KCNN2: variants seen among roughly 807,000 people sequenced by gnomAD.
KCNN2 encodes potassium calcium-activated channel subfamily N member 2, also known as small conductance calcium-activated potassium channel protein 2.
A neutral mutation model predicts 55.5 loss-of-function variants in KCNN2; 24 were observed. The observed-to-expected ratio is 0.43, with a 90% CI of 0.31 to 0.61. KCNN2 has a LOEUF of 0.61. Ranked by LOEUF, KCNN2 falls within the 20% of genes least tolerant of loss-of-function variation. The probability of loss-of-function intolerance (pLI) is 0.08; values close to 1 mark genes in which losing one functional copy is unlikely to be tolerated. For missense variants in KCNN2, 754 were observed against 853.6 expected (o/e 0.88, Z 1.45); for synonymous variants, 431 against 336.1 (o/e 1.28, Z -3.09).
intron 1 of KCNN2, among the ~76,000 whole-genome samples, chr5:114,159,832 G>T (rs1256820514): frequency 6.6e-6 from 1 of 152,162 alleles, no homozygotes; most frequent in Non-Finnish European, 1.5e-5. Context: ...TTGTATTTCT[G>T]TGAGATCGGT....
intron 1 of KCNN2, among the ~76,000 whole-genome samples, chr5:114,069,999 T>C (rs927490304): frequency 1.3e-5 from 2 of 152,252 alleles, no homozygotes; most frequent in African/African-American, 4.8e-5. Flanking sequence ...TATGCATTCA[T>C]TTCTGGGAAG....
intron 2 of KCNN2, among the ~76,000 whole-genome samples, chr5:114,251,965 G>T (rs1359593944): frequency 6.8e-6 from 1 of 146,160 alleles, no homozygotes; most frequent in Non-Finnish European, 1.5e-5. Flanking sequence ...TGCAACCTCT[G>T]CCTCCCAGGT....
rs536513750 is a variant in KCNN2, at chr5:114,255,265, G to C, written c.-185+33700G>C. Among the ~76,000 whole-genome samples, 5 of 152,236 alleles carry C rather than the reference G, an allele frequency of 3.3e-5. No individual in the cohort carries two copies. In the East Asian group the frequency reaches 7.7e-4, roughly 24 times the overall value. ...ACACGTGCATTGTAGTGTTGTAGTAGAGCTATATGTAAGTATATACAAGAT... is the reference window on the plus strand; with the variant it reads ...ACACGTGCATTGTAGTGTTGTAGTACAGCTATATGTAAGTATATACAAGAT... On this transcript the variant is annotated intron_variant, in intron 2 of 10. Transcript: ENST00000512097.
intron 1 of KCNN2, among the ~76,000 whole-genome samples, chr5:114,097,242 A>T (rs2112563826): frequency 6.6e-6 from 1 of 152,336 alleles, no homozygotes; most frequent in African/African-American, 2.4e-5. Flanking sequence ...ACATGATGGA[A>T]AGTAATCATG....
At chr5:114,115,746 G>T (rs922557836) in intron 1 of KCNN2, among the ~76,000 whole-genome samples, 1 of 151,982 alleles carries the variant, frequency 6.6e-6, no homozygotes, top group Non-Finnish European at 1.5e-5. Context: ...ATCTTTTAGG[G>T]TATCATCCAG....
chr5:114,080,536 G>T (rs1224023296), intron 1 of KCNN2, among the ~76,000 whole-genome samples: 1 of 151,988 alleles, frequency 6.6e-6, no homozygotes, highest in East Asian at 1.9e-4. Flanking sequence ...CAAGGAATTT[G>T]CTCATTTTTT....
At chr5:114,089,526 G>A (rs1751093056) in intron 1 of KCNN2, among the ~76,000 whole-genome samples, 1 of 152,158 alleles carries the variant, frequency 6.6e-6, no homozygotes, top group Non-Finnish European at 1.5e-5. Context: ...CTCATGTGTA[G>A]TTGGGTAGTC....
chr5:114,443,637 C>T lies in KCNN2; in HGVS notation c.1638-19412C>T, dbSNP rs565522222. On this transcript the variant is annotated intron_variant, in intron 3 of 7. Transcript: ENST00000673685. ...GATTTTACTAAAATTATTTTTCTGC[C>T]CTCAGGGGCTCTCAGGAAAGCAGTT... Among the ~76,000 whole-genome samples the T allele has an allele frequency of 2.0e-5, 3 of 152,168 alleles. No individual in the cohort carries two copies. The South Asian group carries it at 6.2e-4, about 32-fold the overall frequency.
At chr5:114,121,355 G>T (rs1223664670) in intron 1 of KCNN2, among the ~76,000 whole-genome samples, 1 of 152,110 alleles carries the variant, frequency 6.6e-6, no homozygotes, top group Non-Finnish European at 1.5e-5. Flanking sequence ...CGAGCATGGT[G>T]CCCATGTGAT....
intron 2 of KCNN2, among the ~76,000 whole-genome samples, chr5:114,263,437 TCCA>T (rs1755150382): frequency 4.6e-4 from 2 of 4,350 alleles, no homozygotes; most frequent in East Asian, 0.048. Flanking sequence ...GGTAGACTTA[TCCA>T]GTGAATGCTG....
intron 1 of KCNN2, among the ~76,000 whole-genome samples, chr5:114,105,098 T>G (rs992973731): frequency 7.2e-5 from 11 of 152,032 alleles, no homozygotes; most frequent in Admixed American, 2.6e-4. Context: ...TGTCAAAAAC[T>G]CTATTACAGC....
Position 114,394,886 on chromosome 5 carries a change from T to C in KCNN2, c.1219-9552T>C, listed in dbSNP as rs556762924. On this transcript the variant is annotated intron_variant, in intron 2 of 7. Coordinates refer to ENST00000673685, the MANE Select transcript of KCNN2 (RefSeq NM_021614.4). ...ACCTGATTTTAATGATTAACTTATGTTTTAAAATTTATGTGGCTGCTTCTC... is the reference window on the plus strand; with the variant it reads ...ACCTGATTTTAATGATTAACTTATGCTTTAAAATTTATGTGGCTGCTTCTC... Among the ~76,000 whole-genome samples the C allele has an allele frequency of 6.5e-4, 99 of 152,328 alleles. 2 individuals are homozygous for C. In the South Asian group the frequency reaches 0.016, roughly 25 times the overall value.
At chr5:114,336,766 G>A (rs1185141593) in intron 2 of KCNN2, among the ~76,000 whole-genome samples, 2 of 152,168 alleles carry the variant, frequency 1.3e-5, no homozygotes, top group Non-Finnish European at 2.9e-5. Flanking sequence ...CAGCCATTCA[G>A]AGTGACAGAA....
Position 114,275,841 on chromosome 5 carries a change from T to C in KCNN2, c.-185+54276T>C, listed in dbSNP as rs189057023. ...GTCTCTATCTCTTTCAGTTCTGCTC[T>C]GATCTCATTCTTTTCCTGTCTTCTG... On this transcript the variant is annotated intron_variant, in intron 2 of 10. Coordinates refer to the KCNN2 transcript ENST00000512097. Among the ~76,000 whole-genome samples, 404 of 152,324 alleles carry C rather than the reference T, an allele frequency of 2.7e-3. 2 individuals carry two copies. Among genetic ancestry groups the C allele is most frequent in the Non-Finnish European group, 4.4e-3 (296 of 68,024 alleles).
At chr5:114,248,541 C>A (rs896405955) in intron 2 of KCNN2, among the ~76,000 whole-genome samples, 2 of 151,930 alleles carry the variant, frequency 1.3e-5, no homozygotes, top group African/African-American at 4.8e-5. Context: ...TATAAGTTTG[C>A]ATTACTTTTG....
chr5:114,382,375 T>G (rs1193433986), intron 2 of KCNN2, among the ~76,000 whole-genome samples: 1 of 152,212 alleles, frequency 6.6e-6, no homozygotes, highest in Non-Finnish European at 1.5e-5. Flanking sequence ...AAAGTAAATT[T>G]TTGTCTGTAG....
chr5:114,218,250 T>C (rs1394383586), intron 1 of KCNN2, among the ~76,000 whole-genome samples: 1 of 152,202 alleles, frequency 6.6e-6, no homozygotes, highest in African/African-American at 2.4e-5. Context: ...CCCAAAGGAA[T>C]AGAAAAGTTC....
chr5:114,135,006 A>G (rs745323537), intron 1 of KCNN2, among the ~76,000 whole-genome samples: 2 of 152,196 alleles, frequency 1.3e-5, no homozygotes, highest in Non-Finnish European at 2.9e-5. Context: ...CTAAAACTCT[A>G]GTAAAATAAA....
At chr5:114,313,270 C>G (rs1038446825) in intron 2 of KCNN2, among the ~76,000 whole-genome samples, 9 of 152,098 alleles carry the variant, frequency 5.9e-5, no homozygotes, top group Admixed American at 1.3e-4. Context: ...CTTCAAGAAT[C>G]CTCAGTTATT....
Sources: allele counts gnomAD v4.1 joint callset (sites outside exome capture counted in the v4.1 genomes callset), GRCh38; gene constraint gnomAD v4.1.1; transcripts MANE v1.5; gene names NCBI Gene and HGNC (gene_info 2026-07-23, HGNC 2026-07-21).